Variants in ZNF536 observed in about 807,000 individuals in gnomAD.
ZNF536 encodes zinc finger protein 536.
ZNF536 carries 13 observed loss-of-function variants against 84.5 expected under a neutral mutation model. The observed-to-expected ratio is 0.15, with a 90% CI of 0.10 to 0.24. The LOEUF is 0.24. ZNF536 is among the 10% of genes least tolerant of loss of function. ZNF536 has a pLI of 1.00. For synonymous variants in ZNF536, 811 were observed against 742.5 expected (o/e 1.09, Z -1.50); for missense variants, 1,536 against 1,747.5 (o/e 0.88, Z 2.16).
At chr19:30,262,534 G>C (rs2025281711) in intron 1 of ZNF536, among the ~76,000 whole-genome samples, 1 of 152,228 alleles carries the variant, frequency 6.6e-6, no homozygotes, top group South Asian at 2.1e-4. Context: ...CCTGAAGTCA[G>C]TTATGCCACT....
intron 1 of ZNF536, among the ~76,000 whole-genome samples, chr19:30,239,603 T>C (rs2023790667): frequency 6.6e-6 from 1 of 152,196 alleles, no homozygotes; most frequent in African/African-American, 2.4e-5. Flanking sequence ...GGGGGAGACT[T>C]GTCCTGTGCA....
intron 2 of ZNF536, among the ~76,000 whole-genome samples, chr19:30,306,235 T>C (rs1220373781): frequency 6.7e-6 from 1 of 149,032 alleles, no homozygotes; most frequent in Non-Finnish European, 1.5e-5. Flanking sequence ...TTTACACTGG[T>C]CAGACTTCAG....
chr19:30,289,950 C>T (rs1330800292), intron 2 of ZNF536, among the ~76,000 whole-genome samples: 1 of 152,168 alleles, frequency 6.6e-6, no homozygotes, highest in Admixed American at 6.5e-5. Context: ...ATAGTTACAT[C>T]ACTGTGCAAC....
intron 1 of ZNF536, among the ~76,000 whole-genome samples, chr19:30,374,344 C>A (rs2048725082): frequency 6.6e-6 from 1 of 151,682 alleles, no homozygotes; most frequent in East Asian, 1.9e-4. Context: ...AGTCTAGCAC[C>A]GTAAAAAATA....
In ZNF536 at chr19:30,436,435, G is replaced by C. The variant is rs2051749558; in HGVS notation, c.-2-7126G>C. Reference sequence around the variant, plus strand: ...GTAATGTTTGTGATGTAATTTGTTTGGATGCCCAAATGTCACCAGTGTTGA... The same window carrying C: ...GTAATGTTTGTGATGTAATTTGTTTCGATGCCCAAATGTCACCAGTGTTGA... On this transcript the variant is annotated intron_variant, in intron 1 of 4. Coordinates refer to ENST00000355537, the MANE Select transcript of ZNF536 (RefSeq NM_014717.3). 2 of 942,234 alleles carry C rather than the reference G, an allele frequency of 2.1e-6. 1 individual carries two copies. The highest frequency in any genetic ancestry group is 9.7e-5 in the South Asian group (2 of 20,532). The allele number at this position is 942,234 out of a possible 1,614,324, so 58.4% of individuals were successfully genotyped here. A position where few individuals can be genotyped will look rare whatever the true frequency, so the allele number is the denominator to read the frequency against.
chr19:30,704,073 C>T (rs1190486767), intron 1 of ZNF536, among the ~76,000 whole-genome samples: 1 of 152,086 alleles, frequency 6.6e-6, no homozygotes, highest in East Asian at 1.9e-4. Context: ...CCTATTTGAC[C>T]AAAGGCCATC....
At chr19:30,270,161 T>A (rs957156231) in intron 1 of ZNF536, among the ~76,000 whole-genome samples, 4 of 152,196 alleles carry the variant, frequency 2.6e-5, no homozygotes, top group Non-Finnish European at 5.9e-5. Context: ...CAACTATGTG[T>A]GAAAACATAA....
intron 4 of ZNF536, among the ~76,000 whole-genome samples, chr19:30,550,384 C>T (rs866583056): frequency 6.6e-6 from 1 of 152,208 alleles, no homozygotes; most frequent in African/African-American, 2.4e-5. Context: ...AAGTCATTGT[C>T]TTGGCACCCT....
intron 1 of ZNF536, among the ~76,000 whole-genome samples, chr19:30,672,082 T>C (rs998828305): frequency 2.6e-5 from 4 of 152,272 alleles, no homozygotes; most frequent in African/African-American, 9.6e-5. Flanking sequence ...CATCTCAACG[T>C]TTCTTTTTCC....
In ZNF536 at chr19:30,557,393, A is replaced by G. The variant is rs1568552580; in HGVS notation, c.*229A>G. 1 of 420,500 alleles carries G rather than the reference A, an allele frequency of 2.4e-6. No individual in the cohort carries two copies. The highest frequency in any genetic ancestry group is 2.0e-5 in the African/African-American group (1 of 48,984). 26.0% of individuals were successfully genotyped at this position (420,500 alleles called of 1,614,324 possible). Reference sequence around the variant, plus strand: ...ATATTACCCCATATGTTCCAGTATTAGTCATGGATTGCAAAGGCTTAGTAA... The same window carrying G: ...ATATTACCCCATATGTTCCAGTATTGGTCATGGATTGCAAAGGCTTAGTAA... On this transcript the variant is annotated 3_prime_UTR_variant, in exon 5 of 5. Transcript: ENST00000355537.
chr19:30,652,946 C>T (rs530530304), intron 1 of ZNF536, among the ~76,000 whole-genome samples: 1 of 152,174 alleles, frequency 6.6e-6, no homozygotes, highest in Non-Finnish European at 1.5e-5. Flanking sequence ...AGGCGGGGAA[C>T]CCAGTGACAG....
intron 1 of ZNF536, among the ~76,000 whole-genome samples, chr19:30,693,642 C>T (rs1009003577): frequency 2.0e-5 from 3 of 151,910 alleles, no homozygotes; most frequent in African/African-American, 7.2e-5. Context: ...TTTATGTCTG[C>T]CACGTGACAT....
intron 1 of ZNF536, among the ~76,000 whole-genome samples, chr19:30,685,415 A>G (rs1447856686): frequency 6.6e-6 from 1 of 152,124 alleles, no homozygotes. Flanking sequence ...GTGCACAGAC[A>G]CATTCATAGA....
Position 30,444,770 on chromosome 19 carries a change from A to T in ZNF536, c.1208A>T (p.Asn403Ile), listed in dbSNP as rs2148197505. ...CACCTCAACAAGCTGTCGGTGAAGA[A>T]CAAGTCCCCCAGCGACCCCGAGGTG... ...KVHLNKLSVKNKSPSDPEVPV... is the reference protein window; with the variant it reads ...KVHLNKLSVKIKSPSDPEVPV... Residue 403 changes from asparagine to isoleucine, a missense_variant, in exon 2 of 5, where the codon AAC becomes ATC. By Grantham distance (149) the Asn-to-Ile change is moderately radical. Coordinates refer to ENST00000355537, the MANE Select transcript of ZNF536 (RefSeq NM_014717.3). 1 of 1,613,992 alleles carries T rather than the reference A, an allele frequency of 6.2e-7. No individual in the cohort carries two copies. The highest frequency in any genetic ancestry group is 8.5e-7 in the Non-Finnish European group (1 of 1,180,026).
intron 2 of ZNF536, among the ~76,000 whole-genome samples, chr19:30,490,481 A>C (rs924717836): frequency 3.3e-5 from 5 of 152,196 alleles, no homozygotes; most frequent in Non-Finnish European, 5.9e-5. Flanking sequence ...CCCTTGCTGA[A>C]CTGGCAGTGG....
At chr19:30,626,504 C>T (rs11883033) in intron 1 of ZNF536, among the ~76,000 whole-genome samples, 8 of 152,244 alleles carry the variant, frequency 5.3e-5, no homozygotes, top group African/African-American at 1.7e-4. Flanking sequence ...GCTGGCAAGA[C>T]GGCACCTCGA....
At chr19:30,655,570 C>T (rs2049878017) in intron 1 of ZNF536, among the ~76,000 whole-genome samples, 1 of 152,164 alleles carries the variant, frequency 6.6e-6, no homozygotes, top group Non-Finnish European at 1.5e-5. Context: ...AGCTGCATTG[C>T]TACCCAAGAC....
chr19:30,337,783 G>A (rs892302389), intron 2 of ZNF536, among the ~76,000 whole-genome samples: 9 of 152,186 alleles, frequency 5.9e-5, no homozygotes, highest in Admixed American at 2.0e-4. Context: ...AGGATAAAGC[G>A]AATAGCAGAA....
chr19:30,364,056 G>A (rs563352993), intron 3 of ZNF536, among the ~76,000 whole-genome samples: 66 of 152,316 alleles, frequency 4.3e-4, no homozygotes, highest in African/African-American at 1.6e-3. Flanking sequence ...ACAGGTGTGA[G>A]ATGTATAGGA....
Sources: gnomAD v4.1 joint callset for allele counts (sites outside exome capture counted in the v4.1 genomes callset) on GRCh38, gnomAD v4.1.1 for gene constraint, MANE v1.5 for transcripts, NCBI Gene and HGNC (gene_info 2026-07-23, HGNC 2026-07-21) for gene names.